Variants in STX1B observed in about 807,000 individuals in gnomAD.
STX1B encodes the protein syntaxin-1B.
In STX1B, 7 loss-of-function variants were observed where a neutral mutation model predicts 39.4. That is an observed-to-expected ratio of 0.18 (90% CI 0.10 to 0.33). The LOEUF (loss-of-function observed/expected upper bound fraction) is 0.33. Among genes scored for constraint, STX1B ranks in the 10% least tolerant of loss-of-function variants. The pLI is 1.00. For synonymous variants in STX1B, 136 were observed against 144.1 expected, an observed-to-expected ratio of 0.94 and a Z score of 0.40; for missense variants, 198 against 383.2, an observed-to-expected ratio of 0.52 and a Z score of 4.04.
chr16:30,993,533 G>T (rs1428052851), intron 7 of STX1B, 49 bp from the exon 8 acceptor site: 3 of 1,604,976 alleles, frequency 1.9e-6, no homozygotes, highest in Admixed American at 1.7e-5. Context: ...CGCCATGAGC[G>T]CCTCCACCGC....
In STX1B at chr16:30,992,584, C is replaced by A; in HGVS notation, c.*237G>T. The A allele has an allele frequency of 2.1e-6, 1 of 479,542 alleles. No individual in the cohort carries two copies. The highest frequency in any genetic ancestry group is 3.7e-6 in the Non-Finnish European group (1 of 270,832). The allele number at this position is 479,542 out of a possible 1,614,324, so 29.7% of individuals were successfully genotyped here. ...TCCACACGTCTCGAGCATGTGCCGG[C>A]GGCATGCATGTTGGTGTGCATGTGT... On this transcript the variant is annotated 3_prime_UTR_variant, in exon 10 of 10. Transcript: ENST00000215095.
chr16:31,003,464 C>T (rs1342390079), intron 1 of STX1B, among the ~76,000 whole-genome samples: 1 of 152,142 alleles, frequency 6.6e-6, no homozygotes, highest in Non-Finnish European at 1.5e-5. Flanking sequence ...GCCTCCTTCC[C>T]CTAGAGCCAA....
intron 1 of STX1B, among the ~76,000 whole-genome samples, chr16:31,009,875 C>G (rs1482335322): frequency 6.6e-6 from 1 of 152,044 alleles, no homozygotes; most frequent in Non-Finnish European, 1.5e-5. Flanking sequence ...GTGACACACG[C>G]GTGTGCACAC....
chr16:30,998,838 G>A (rs926084206), intron 4 of STX1B, among the ~76,000 whole-genome samples: 5 of 152,136 alleles, frequency 3.3e-5, no homozygotes, highest in African/African-American at 1.2e-4. Context: ...AAGGCTTGAT[G>A]GACCTAGAGA....
intron 1 of STX1B, among the ~76,000 whole-genome samples, chr16:31,008,360 C>T (rs922352615): frequency 6.6e-6 from 1 of 151,960 alleles, no homozygotes; most frequent in Admixed American, 6.6e-5. Context: ...GATTCCTTAC[C>T]TCTGAGCAGG....
At chr16:30,996,899 G>GAAAT (rs2056595624) in intron 6 of STX1B, 52 bp downstream of exon 6, 2 of 1,576,094 alleles carry the variant, frequency 1.3e-6, no homozygotes, top group Non-Finnish European at 1.7e-6. Context: ...CCTGGAAGGG[G>GAAAT]GCTTGGGCAG....
chr16:30,995,731 T>C (rs1353839093), intron 7 of STX1B, among the ~76,000 whole-genome samples: 1 of 151,998 alleles, frequency 6.6e-6, no homozygotes, highest in Admixed American at 6.6e-5. Context: ...CCTCAGGTGA[T>C]CTACCTGCCT....
intron 5 of STX1B, 101 bp from the exon 6 acceptor site, chr16:30,997,160 G>A: frequency 1.3e-6 from 1 of 773,984 alleles, no homozygotes; most frequent in East Asian, 2.6e-5. Flanking sequence ...GCAGTGCATG[G>A]GCGGAATAAG....
chr16:31,001,494 TGGGGCTGGGG>T lies in STX1B; in HGVS notation c.105+25_105+34del. ...AGGGGCTGGGGCTGGGTGCTGGGGCTGGGGCTGGGGCTGGGGGCCTTGGAGGCCCATTACC... is the reference window on the plus strand; with the variant it reads ...AGGGGCTGGGGCTGGGTGCTGGGGCTCTGGGGGCCTTGGAGGCCCATTACC... On this transcript the variant is annotated intron_variant, in intron 2 of 9. Transcript: ENST00000215095. This position sits in a 1 kb window ranked among gnomAD's most constrained non-coding sequence, Gnocchi z 5.5. 2 of 1,180,052 alleles carry T rather than the reference TGGGGCTGGGG, an allele frequency of 1.7e-6. No homozygotes were observed. Among genetic ancestry groups the T allele is most frequent in the Non-Finnish European group, 2.2e-6 (2 of 905,494 alleles). 73.1% of individuals were successfully genotyped at this position (1,180,052 alleles called of 1,614,324 possible). A position where few individuals can be genotyped will look rare whatever the true frequency, so the allele number is the denominator to read the frequency against.
chr16:31,008,978 A>G (rs2056667701), intron 1 of STX1B, among the ~76,000 whole-genome samples: 1 of 152,176 alleles, frequency 6.6e-6, no homozygotes, highest in Admixed American at 6.5e-5. Flanking sequence ...TATTACTGTC[A>G]CTTTCCTCAT....
chr16:30,996,524 G>T (rs1353081829), intron 7 of STX1B, 159 bp downstream of exon 7: 1 of 650,626 alleles, frequency 1.5e-6, no homozygotes, highest in Non-Finnish European at 2.7e-6. Flanking sequence ...TCTGATGGGG[G>T]TGCCTTCCTG....
Position 30,997,635 on chromosome 16 carries a change from G to C in STX1B, c.281-60C>G. ...CCCGGGGCACATGGGGCGAGGGTCC[G>C]GGGCGTACGAATGGTCAACACCCCG... is the stretch of plus-strand genomic sequence containing the variant. On this transcript the variant is annotated intron_variant, in intron 4 of 9. Coordinates refer to ENST00000215095, the MANE Select transcript of STX1B (RefSeq NM_052874.5). 3.3e-6 allele frequency: 5 copies of C among 1,499,820 alleles called. No homozygotes were observed. The South Asian group carries it at 6.0e-5, about 18-fold the overall frequency. The allele number at this position is 1,499,820 out of a possible 1,614,324, so 92.9% of individuals were successfully genotyped here. A position where few individuals can be genotyped will look rare whatever the true frequency, so the allele number is the denominator to read the frequency against.
chr16:31,002,600 G>C (rs2056636178), intron 1 of STX1B, among the ~76,000 whole-genome samples: 1 of 152,214 alleles, frequency 6.6e-6, no homozygotes, highest in Admixed American at 6.5e-5. Flanking sequence ...CGAGCCTCAT[G>C]TCTGCACACA....
intron 4 of STX1B, among the ~76,000 whole-genome samples, 160 bp from the exon 5 acceptor site, chr16:30,997,735 G>A (rs1446606246): frequency 1.3e-5 from 2 of 152,208 alleles, no homozygotes; most frequent in African/African-American, 4.8e-5. Context: ...GGTGGTGTTA[G>A]GAGCCAGCAG....
chr16:30,993,019 G>C, intron 9 of STX1B, 111 bp downstream of exon 9: 2 of 1,328,276 alleles, frequency 1.5e-6, no homozygotes, highest in African/African-American at 1.4e-5. Context: ...AACAGAAACA[G>C]GAAGAGGTCA....
At chr16:30,996,861 G>T in intron 6 of STX1B, 90 bp downstream of exon 6, 2 of 1,571,708 alleles carry the variant, frequency 1.3e-6, no homozygotes, top group Non-Finnish European at 1.7e-6. Context: ...GCCGCCTTAA[G>T]CCAGGGGCCC....
In STX1B at chr16:30,989,794, G is replaced by A. The variant is rs1470487045; in HGVS notation, c.*3027C>T. On this transcript the variant is annotated 3_prime_UTR_variant, in exon 10 of 10. Transcript: ENST00000215095. The stretch of plus-strand genomic sequence containing the variant: ...GCGTGTGTCGACCCACGGGTACATG[G>A]GATGGACACGCAGTGTGCTTCATGA... 1.3e-5 allele frequency: 2 copies of A among 152,478 alleles called. No individual in the cohort carries two copies. The highest frequency in any genetic ancestry group is 6.5e-5 in the Admixed American group (1 of 15,288). The allele number at this position is 152,478 out of a possible 1,614,324, so 9.4% of individuals were successfully genotyped here.
At chr16:31,007,669 C>T (rs184943750) in intron 1 of STX1B, among the ~76,000 whole-genome samples, 1 of 152,150 alleles carries the variant, frequency 6.6e-6, no homozygotes, top group South Asian at 2.1e-4. Flanking sequence ...TTTTTACCCC[C>T]TCTGGCCCTC....
In STX1B at chr16:30,989,353, A is replaced by G. The variant is rs998110370; in HGVS notation, c.*3468T>C. ...CTGGGGACAGGACATGCAGGGAGGA[A>G]GGGGGGGGCAGGATTTTCCTGTGTT... On this transcript the variant is annotated 3_prime_UTR_variant, in exon 10 of 10. Coordinates refer to ENST00000215095, the MANE Select transcript of STX1B (RefSeq NM_052874.5). 2.0e-5 allele frequency: 3 copies of G among 149,636 alleles called. No individual in the cohort carries two copies. Among genetic ancestry groups the G allele is most frequent in the Admixed American group, 6.7e-5 (1 of 15,032 alleles). The allele number at this position is 149,636 out of a possible 1,614,324, so 9.3% of individuals were successfully genotyped here.
Sources: gnomAD v4.1 joint callset for allele counts (sites outside exome capture counted in the v4.1 genomes callset) on GRCh38, gnomAD v4.1.1 for gene constraint, Gnocchi (gnomAD v3.1) non-coding constraint, MANE v1.5 for transcripts, NCBI Gene and HGNC (gene_info 2026-07-23, HGNC 2026-07-21) for gene names.